KSR2: variants seen among roughly 807,000 people sequenced by gnomAD.
KSR2 encodes the protein kinase suppressor of ras 2.
A neutral mutation model predicts 107.8 loss-of-function variants in KSR2; 25 were observed. That is an observed-to-expected ratio of 0.23 (90% CI 0.17 to 0.32). The LOEUF (loss-of-function observed/expected upper bound fraction) is 0.32, where lower values mean the gene tolerates loss of function less well. KSR2 is among the 10% of genes least tolerant of loss of function. The pLI, the probability that KSR2 is intolerant of heterozygous loss-of-function variation, is 1.00. For missense variants in KSR2, 887 were observed against 1,268.9 expected (o/e 0.70, Z 4.57); for synonymous variants, 480 against 507.0 (o/e 0.95, Z 0.71).
chr12:117,817,650 G>A (rs574452687), intron 3 of KSR2, among the ~76,000 whole-genome samples: 7 of 152,038 alleles, frequency 4.6e-5, no homozygotes, highest in Middle Eastern at 3.4e-3. Flanking sequence ...TGCTATCAAT[G>A]GCCCCAATCC....
At chr12:117,845,007 G>T (rs144152762) in intron 3 of KSR2, among the ~76,000 whole-genome samples, 1 of 152,080 alleles carries the variant, frequency 6.6e-6, no homozygotes, top group Non-Finnish European at 1.5e-5. Context: ...TTAGCCAGGC[G>T]TGGTGGCGGG....
chr12:117,948,792 A>C (rs1294225322), intron 1 of KSR2, among the ~76,000 whole-genome samples: 2 of 152,180 alleles, frequency 1.3e-5, no homozygotes, highest in African/African-American at 4.8e-5. Flanking sequence ...AGTTTTTGCC[A>C]TTTTAAAAGT....
intron 4 of KSR2, among the ~76,000 whole-genome samples, chr12:117,707,382 A>G (rs1358608545): frequency 6.6e-6 from 1 of 152,226 alleles, no homozygotes; most frequent in Non-Finnish European, 1.5e-5. Flanking sequence ...TATACTTTAA[A>G]TGGATGAATT....
At chr12:117,570,638 T>C (rs990799919) in intron 7 of KSR2, among the ~76,000 whole-genome samples, 1 of 152,216 alleles carries the variant, frequency 6.6e-6, no homozygotes, top group Non-Finnish European at 1.5e-5. Flanking sequence ...TTTGCATTCA[T>C]ATAAAGTCGG....
intron 4 of KSR2, among the ~76,000 whole-genome samples, chr12:117,731,251 G>T (rs1347005483): frequency 6.7e-6 from 1 of 150,330 alleles, no homozygotes; most frequent in Non-Finnish European, 1.5e-5. Flanking sequence ...CGTCTGGGAA[G>T]TGAGGAGCCC....
chr12:117,632,900 T>C (rs1882877080), intron 5 of KSR2, among the ~76,000 whole-genome samples: 1 of 152,262 alleles, frequency 6.6e-6, no homozygotes, highest in African/African-American at 2.4e-5. Context: ...TAGTGTTCCA[T>C]GGCGTACATG....
At chr12:117,621,542 A>T (rs1285761311) in intron 5 of KSR2, among the ~76,000 whole-genome samples, 4 of 152,140 alleles carry the variant, frequency 2.6e-5, no homozygotes, top group Non-Finnish European at 5.9e-5. Flanking sequence ...TGTTACAAGG[A>T]TTTAAATGAT....
chr12:117,856,391 G>A (rs536471379), intron 2 of KSR2, among the ~76,000 whole-genome samples: 1 of 152,262 alleles, frequency 6.6e-6, no homozygotes, highest in African/African-American at 2.4e-5. Context: ...ATGTATATAT[G>A]AGTCTTCTTT....
At chr12:117,755,445 T>C (rs187225124) in intron 4 of KSR2, among the ~76,000 whole-genome samples, 1 of 152,346 alleles carries the variant, frequency 6.6e-6, no homozygotes. Context: ...GTTATGGTTA[T>C]CTGTGATCAG....
intron 14 of KSR2, among the ~76,000 whole-genome samples, chr12:117,486,852 G>A (rs1872494157): frequency 6.6e-6 from 1 of 152,174 alleles, no homozygotes; most frequent in African/African-American, 2.4e-5. Flanking sequence ...TTGAATACGA[G>A]GATTGAATGA....
chr12:117,906,303 A>G (rs1352075951), intron 1 of KSR2, among the ~76,000 whole-genome samples: 1 of 146,476 alleles, frequency 6.8e-6, no homozygotes, highest in South Asian at 2.2e-4. Context: ...TGGTGAGCCG[A>G]GATCGGGCCA....
rs865990923 is a variant in KSR2, at chr12:117,453,902, G to A, written c.*13297C>T. ...TTTCTATGAGGGCCTTGGTGGGGTG[G>A]GGGCTGGTCTTGCCAGAGACTCTCT... On this transcript the variant is annotated 3_prime_UTR_variant, in exon 20 of 20. Transcript: ENST00000339824. 4.6e-5 allele frequency: 7 copies of A among 152,066 alleles called. No homozygotes were observed. Among genetic ancestry groups the A allele is most frequent in the African/African-American group, 1.2e-4 (5 of 41,358 alleles). The allele number at this position is 152,066 out of a possible 1,614,324, so 9.4% of individuals were successfully genotyped here.
chr12:117,473,463 T>G (rs1259533989), intron 17 of KSR2, among the ~76,000 whole-genome samples: 1 of 152,136 alleles, frequency 6.6e-6, no homozygotes, highest in Non-Finnish European at 1.5e-5. Context: ...AACTCCAAGA[T>G]GGTGCCACTG....
At chr12:117,563,449 G>A (rs913290359) in intron 7 of KSR2, among the ~76,000 whole-genome samples, 6 of 152,144 alleles carry the variant, frequency 3.9e-5, no homozygotes, top group Admixed American at 6.5e-5. Context: ...GCAAGCTGCC[G>A]ATCCACTCAG....
chr12:117,877,888 T>A (rs986348422), intron 1 of KSR2, among the ~76,000 whole-genome samples: 2 of 152,204 alleles, frequency 1.3e-5, no homozygotes, highest in Non-Finnish European at 2.9e-5. Context: ...TCTTTTCTTG[T>A]CAACAAGGTC....
intron 14 of KSR2, among the ~76,000 whole-genome samples, chr12:117,522,806 C>T (rs1481044702): frequency 2.0e-5 from 3 of 152,166 alleles, no homozygotes; most frequent in Non-Finnish European, 4.4e-5. Context: ...CAGATGAGGG[C>T]ATCTAAGACT....
At chr12:117,732,547 T>C (rs1887774592) in intron 4 of KSR2, among the ~76,000 whole-genome samples, 2 of 152,062 alleles carry the variant, frequency 1.3e-5, no homozygotes, top group Non-Finnish European at 1.5e-5. Flanking sequence ...ACCTCGGCCT[T>C]CCAAACTGCT....
chr12:117,471,552 G>A (rs1389529220), intron 17 of KSR2, among the ~76,000 whole-genome samples: 1 of 152,050 alleles, frequency 6.6e-6, no homozygotes, highest in Non-Finnish European at 1.5e-5. Context: ...AATATAATGT[G>A]GTTAGGATCT....
At chr12:117,499,483 T>C (rs903900263) in intron 14 of KSR2, among the ~76,000 whole-genome samples, 5 of 152,194 alleles carry the variant, frequency 3.3e-5, no homozygotes, top group African/African-American at 1.2e-4. Flanking sequence ...TGTAGACGGT[T>C]TGGAAAACAT....
Sources: allele counts gnomAD v4.1 joint callset (sites outside exome capture counted in the v4.1 genomes callset), GRCh38; gene constraint gnomAD v4.1.1; transcripts MANE v1.5; gene names NCBI Gene and HGNC (gene_info 2026-07-23, HGNC 2026-07-21).